Variants in PCDHA10 observed in about 807,000 individuals in gnomAD.
PCDHA10 encodes the protein protocadherin alpha-10.
Under a neutral mutation model 61.2 loss-of-function variants are expected in PCDHA10, and 45 were observed. The ratio of observed to expected loss-of-function variants is 0.74; its 90% CI spans 0.58 to 0.94. The LOEUF (loss-of-function observed/expected upper bound fraction) is 0.94, where lower values mean the gene tolerates loss of function less well. Ranked by LOEUF, PCDHA10 falls within the 40% of genes least tolerant of loss-of-function variation. The pLI is 0.00. For missense variants in PCDHA10, 1,278 were observed against 1,236.2 expected (o/e 1.03, Z -0.51); for synonymous variants, 602 against 548.8 (o/e 1.10, Z -1.35).
chr5:140,855,964 T>A lies in PCDHA10; in HGVS notation c.-85T>A. The stretch of plus-strand genomic sequence containing the variant: ...CTCAGCCATTTCGATAAAAAATAGA[T>A]ATAAGAAATAGGACAGAAAATGTCA... On this transcript the variant is annotated 5_prime_UTR_variant, in exon 1 of 4. Coordinates refer to ENST00000307360, the MANE Select transcript of PCDHA10 (RefSeq NM_018901.4). The A allele has an allele frequency of 7.1e-7, 1 of 1,408,442 alleles. No homozygotes were observed. Among genetic ancestry groups the A allele is most frequent in the Non-Finnish European group, 9.6e-7 (1 of 1,036,462 alleles). 87.2% of individuals were successfully genotyped at this position (1,408,442 alleles called of 1,614,324 possible). A position where few individuals can be genotyped will look rare whatever the true frequency, so the allele number is the denominator to read the frequency against.
Position 140,862,422 on chromosome 5 carries a change from A to G in PCDHA10, c.2388+3986A>G, listed in dbSNP as rs76178077. On this transcript the variant is annotated intron_variant, in intron 1 of 3. Transcript: ENST00000307360. Reference sequence around the variant, plus strand: ...TGTCTACCTTCAAAAGGCGCTGCCCAGAAACTATTCGTTGGTACTCCACAG... The same window carrying G: ...TGTCTACCTTCAAAAGGCGCTGCCCGGAAACTATTCGTTGGTACTCCACAG... The G allele has an allele frequency of 2.5e-3, 872 of 353,812 alleles. 5 individuals are homozygous for G. Among genetic ancestry groups the G allele is most frequent in the African/African-American group, 0.018 (823 of 46,772 alleles). The allele number at this position is 353,812 out of a possible 1,614,324, so 21.9% of individuals were successfully genotyped here.
At chr5:140,988,058 A>G (rs2097280755) in intron 3 of PCDHA10, among the ~76,000 whole-genome samples, 1 of 152,200 alleles carries the variant, frequency 6.6e-6, no homozygotes, top group African/African-American at 2.4e-5. Flanking sequence ...CACTGTCAAC[A>G]TGAATTTTTC....
chr5:140,969,343 G>A (rs2096321775), intron 1 of PCDHA10: 23 of 1,613,728 alleles, frequency 1.4e-5, no homozygotes, highest in Non-Finnish European at 1.9e-5. Flanking sequence ...TGAGACAGTG[G>A]TCAGGGGGTC....
At chr5:140,911,275 G>A (rs1048648150) in intron 1 of PCDHA10, among the ~76,000 whole-genome samples, 1 of 152,164 alleles carries the variant, frequency 6.6e-6, no homozygotes, top group Non-Finnish European at 1.5e-5. Context: ...AGTGTCCCCA[G>A]CTTCATCAGG....
At chr5:140,938,187 C>T (rs1584944424) in intron 1 of PCDHA10, among the ~76,000 whole-genome samples, 1 of 152,158 alleles carries the variant, frequency 6.6e-6, no homozygotes, top group Admixed American at 6.5e-5. Context: ...CTCAAGCAAT[C>T]CTCCCACGCC....
At position 140,882,987 on chromosome 5, in the gene PCDHA10, C is replaced by T; in HGVS notation, c.2388+24551C>T. The T allele has an allele frequency of 1.9e-6, 3 of 1,614,110 alleles. No individual in the cohort carries two copies. The highest frequency in any genetic ancestry group is 1.7e-6 in the Non-Finnish European group (2 of 1,180,042). ...ATTCTGGACGTGAATGACAACGCCC[C>T]GGAATTTTACCAATCCGTTTATAAA... is the stretch of plus-strand genomic sequence containing the variant. On this transcript the variant is annotated intron_variant, in intron 1 of 3. Coordinates refer to ENST00000307360, the MANE Select transcript of PCDHA10 (RefSeq NM_018901.4).
rs190994194 is a variant in PCDHA10, at chr5:140,913,276, C to T, written c.2388+54840C>T. On this transcript the variant is annotated intron_variant, in intron 1 of 3. Transcript: ENST00000307360. ...TTTGATCTAATTACTTGTTATTGGTCTGTTTAGGTTTTAATTTCTTCATAG... is the reference window on the plus strand; with the variant it reads ...TTTGATCTAATTACTTGTTATTGGTTTGTTTAGGTTTTAATTTCTTCATAG... Among the ~76,000 whole-genome samples, 291 of 152,186 alleles carry T rather than the reference C, an allele frequency of 1.9e-3. 1 individual carries two copies. The highest frequency in any genetic ancestry group is 0.01 in the Middle Eastern group (3 of 294).
At chr5:140,915,190 G>A (rs1317793585) in intron 1 of PCDHA10, among the ~76,000 whole-genome samples, 1 of 151,978 alleles carries the variant, frequency 6.6e-6, no homozygotes, top group Non-Finnish European at 1.5e-5. Context: ...CTAGTGATCC[G>A]CCCATCTTGG....
chr5:140,886,004 A>G lies in PCDHA10; in HGVS notation c.2388+27568A>G, dbSNP rs544401095. On this transcript the variant is annotated intron_variant, in intron 1 of 3. Transcript: ENST00000307360. Reference sequence around the variant, plus strand: ...TCGCATGTGGTTGAAAGAAATAGTAAAGGGAGATGCTATGTATTCTTCACT... The same window carrying G: ...TCGCATGTGGTTGAAAGAAATAGTAGAGGGAGATGCTATGTATTCTTCACT... Among the ~76,000 whole-genome samples, 7 of 152,268 alleles carry G rather than the reference A, an allele frequency of 4.6e-5. No homozygotes were observed. In the East Asian group the frequency reaches 1.3e-3, roughly 29 times the overall value.
intron 1 of PCDHA10, among the ~76,000 whole-genome samples, chr5:140,901,201 G>A (rs2068505084): frequency 6.6e-6 from 1 of 152,038 alleles, no homozygotes; most frequent in Admixed American, 6.6e-5. Context: ...CTGTGCAGAA[G>A]GTTTTTAAGT....
At chr5:140,877,002 G>A (rs374546473) in intron 1 of PCDHA10, 96 of 1,612,426 alleles carry the variant, frequency 6.0e-5, no homozygotes, top group Non-Finnish European at 8.0e-5. Flanking sequence ...ACGTGTCGGT[G>A]CACGCGGAGA....
chr5:140,941,191 TTTTCTTTCTTCCTTTCTTTCTTCC>T (rs1293685535), intron 1 of PCDHA10, among the ~76,000 whole-genome samples: 31 of 93,206 alleles, frequency 3.3e-4, no homozygotes, highest in African/African-American at 1.1e-3. Context: ...GCTTCTTTTT[TTTTCTTTCTTCCTTTCTTTCTTCC>T]TTTCTTTCTT....
At chr5:140,874,079 T>C (rs1397045171) in intron 1 of PCDHA10, among the ~76,000 whole-genome samples, 2 of 152,234 alleles carry the variant, frequency 1.3e-5, no homozygotes, top group African/African-American at 4.8e-5. Flanking sequence ...CCTGATGACA[T>C]CAAAATTCAA....
chr5:140,871,298 C>G (rs987284077), intron 1 of PCDHA10: 1 of 1,613,894 alleles, frequency 6.2e-7, no homozygotes, highest in Non-Finnish European at 8.5e-7. Flanking sequence ...GGCGCGTGCG[C>G]GCCGGGGAAG....
intron 1 of PCDHA10, chr5:140,870,868 G>C (rs550915753): frequency 1.2e-6 from 2 of 1,613,944 alleles, no homozygotes; most frequent in Non-Finnish European, 1.7e-6. Context: ...TGCGGGCCAC[G>C]TGGTGGCGAA....
At chr5:140,973,720 A>G (rs781883210) in intron 1 of PCDHA10, among the ~76,000 whole-genome samples, 1 of 152,194 alleles carries the variant, frequency 6.6e-6, no homozygotes, top group Non-Finnish European at 1.5e-5. Flanking sequence ...GAGCCATCAC[A>G]TGGGCATCTG....
At chr5:140,946,516 C>T (rs551838143) in intron 1 of PCDHA10, among the ~76,000 whole-genome samples, 42 of 151,130 alleles carry the variant, frequency 2.8e-4, no homozygotes, top group African/African-American at 8.3e-4. Flanking sequence ...AAGACCTATC[C>T]GCACTCCCAT....
chr5:141,010,016 CT>C lies in PCDHA10; in HGVS notation c.*84del. 1 of 1,572,200 alleles carries C rather than the reference CT, an allele frequency of 6.4e-7. No homozygotes were observed. The highest frequency in any genetic ancestry group is 8.6e-7 in the Non-Finnish European group (1 of 1,163,240). On this transcript the variant is annotated 3_prime_UTR_variant, in exon 4 of 4. Transcript: ENST00000307360. Reference sequence around the variant, plus strand: ...TCTCCCATGTAGCAATTCCCTGCTCCTTTTTCCTATCTACATGAGCCCTCTT... The same window carrying C: ...TCTCCCATGTAGCAATTCCCTGCTCCTTTTCCTATCTACATGAGCCCTCTT...
rs976643195 is a variant in PCDHA10 at position 141,010,391 on chromosome 5, C to A, written c.*454C>A. On this transcript the variant is annotated 3_prime_UTR_variant, in exon 4 of 4. Transcript: ENST00000307360. ...TGCGAGTGCCAGATATTGGCTGAGACGAGCCAGCTTAGACTAATTGGTACA... is the reference window on the plus strand; with the variant it reads ...TGCGAGTGCCAGATATTGGCTGAGAAGAGCCAGCTTAGACTAATTGGTACA... The A allele has an allele frequency of 2.2e-6, 3 of 1,386,760 alleles. No homozygotes were observed. Among genetic ancestry groups the A allele is most frequent in the Non-Finnish European group, 2.9e-6 (3 of 1,041,298 alleles). The allele number at this position is 1,386,760 out of a possible 1,614,324, so 85.9% of individuals were successfully genotyped here.
Sources: gnomAD v4.1 joint callset for allele counts (sites outside exome capture counted in the v4.1 genomes callset) on GRCh38, gnomAD v4.1.1 for gene constraint, MANE v1.5 for transcripts, NCBI Gene and HGNC (gene_info 2026-07-23, HGNC 2026-07-21) for gene names.